CNKSR3: variants seen among roughly 807,000 people sequenced by gnomAD.
The protein encoded by CNKSR3 is CNKSR family member 3, also known as connector enhancer of kinase suppressor of ras 3.
In CNKSR3, 36 loss-of-function variants were observed where a neutral mutation model predicts 67.7. The ratio of observed to expected loss-of-function variants is 0.53; its 90% CI spans 0.41 to 0.70. The LOEUF (loss-of-function observed/expected upper bound fraction) is 0.70, where lower values mean the gene tolerates loss of function less well. Among genes scored for constraint, CNKSR3 ranks in the 30% least tolerant of loss-of-function variants. The probability of loss-of-function intolerance (pLI) is 0.00; values close to 1 mark genes in which losing one functional copy is unlikely to be tolerated. For synonymous variants in CNKSR3, 281 were observed against 271.4 expected (o/e 1.04, Z -0.35); for missense variants, 630 against 695.2 (o/e 0.91, Z 1.05).
In CNKSR3 at chr6:154,406,493, T is replaced by A; in HGVS notation, c.1529A>T (p.Asp510Val). ...TGGAATCGTGGCGCTGCTGTGGAGA[T>A]CTGAGTTGATGTAGCACCTGCTTCC... ...IRGSRCYINS[D>V]LHSSATIPFQ... Residue 510 changes from aspartate (D) to valine (V), a missense_variant, in exon 13 of 13, where the codon GAT becomes GTT. By Grantham distance (152) the Asp-to-Val change is radical. Around this residue, in one of 3 missense-constraint regions of CNKSR3, gnomAD observed 308 missense variants for 299.6 expected, o/e 1.03. Coordinates refer to ENST00000607772, the MANE Select transcript of CNKSR3 (RefSeq NM_173515.4). 1 of 1,614,156 alleles carries A rather than the reference T, an allele frequency of 6.2e-7. No individual in the cohort carries two copies.
At position 154,406,066 on chromosome 6, in the gene CNKSR3, T is replaced by C. The variant is rs567076869; in HGVS notation, c.*288A>G. 3 of 379,108 alleles carry C rather than the reference T, an allele frequency of 7.9e-6. No homozygotes were observed. The highest frequency in any genetic ancestry group is 5.2e-5 in the East Asian group (1 of 19,122). 23.5% of individuals were successfully genotyped at this position (379,108 alleles called of 1,614,324 possible). A position where few individuals can be genotyped will look rare whatever the true frequency, so the allele number is the denominator to read the frequency against. On this transcript the variant is annotated 3_prime_UTR_variant, in exon 13 of 13. Coordinates refer to ENST00000607772, the MANE Select transcript of CNKSR3 (RefSeq NM_173515.4). ...TGACCATAACGTCTCTGGCCAGGAC[T>C]GCGATTTCTAGCGCGTGTCTTCACA...
At chr6:154,409,323 C>T (rs1471136044) in intron 12 of CNKSR3, among the ~76,000 whole-genome samples, 5 of 152,094 alleles carry the variant, frequency 3.3e-5, no homozygotes, top group Non-Finnish European at 7.4e-5. Context: ...TAATGTTCTG[C>T]CAATGATGAC....
In CNKSR3 at chr6:154,506,745, G is replaced by T. The variant is rs557366083; in HGVS notation, c.52+3318C>A. Among the ~76,000 whole-genome samples, 11 of 152,342 alleles carry T rather than the reference G, an allele frequency of 7.2e-5. No homozygotes were observed. In the East Asian group the frequency reaches 2.1e-3, roughly 29 times the overall value. On this transcript the variant is annotated intron_variant, in intron 1 of 12. Coordinates refer to ENST00000607772, the MANE Select transcript of CNKSR3 (RefSeq NM_173515.4). ...CCCTACACGTTGTAAAAGATCATTTGCTTTGCAAAGGCCTTTACTGAACTG... is the reference window on the plus strand; with the variant it reads ...CCCTACACGTTGTAAAAGATCATTTTCTTTGCAAAGGCCTTTACTGAACTG...
intron 1 of CNKSR3, among the ~76,000 whole-genome samples, chr6:154,454,333 A>T (rs1289124676): frequency 6.6e-6 from 1 of 152,214 alleles, no homozygotes; most frequent in African/African-American, 2.4e-5. Flanking sequence ...AATACTCTGT[A>T]AATTTAGTTA....
At chr6:154,413,299 A>G (rs988939543) in intron 10 of CNKSR3, among the ~76,000 whole-genome samples, 6 of 152,058 alleles carry the variant, frequency 3.9e-5, no homozygotes, top group African/African-American at 1.4e-4. Flanking sequence ...ATCATGGTGT[A>G]TTGTACTGCA....
At chr6:154,493,796 T>C (rs1293090769) in intron 1 of CNKSR3, among the ~76,000 whole-genome samples, 1 of 152,010 alleles carries the variant, frequency 6.6e-6, no homozygotes, top group African/African-American at 2.4e-5. Flanking sequence ...CACTGTCAAA[T>C]CAATCAGATC....
intron 1 of CNKSR3, among the ~76,000 whole-genome samples, chr6:154,480,129 T>G (rs1786536260): frequency 6.6e-6 from 1 of 152,246 alleles, no homozygotes; most frequent in South Asian, 2.1e-4. Context: ...AGATGTCTGG[T>G]GCTGGGGCCG....
intron 3 of CNKSR3, among the ~76,000 whole-genome samples, chr6:154,441,581 T>C (rs1562334119): frequency 6.6e-6 from 1 of 152,182 alleles, no homozygotes; most frequent in Admixed American, 6.5e-5. Context: ...CCTCCCAGGT[T>C]CAAGCAACTC....
At chr6:154,412,371 T>A (rs2128711577) in intron 10 of CNKSR3, among the ~76,000 whole-genome samples, 1 of 152,308 alleles carries the variant, frequency 6.6e-6, no homozygotes, top group Admixed American at 6.5e-5. Context: ...CCCGAGCAGT[T>A]TAATCCAGCT....
chr6:154,455,218 T>C (rs1280702073), intron 1 of CNKSR3, among the ~76,000 whole-genome samples: 1 of 151,502 alleles, frequency 6.6e-6, no homozygotes, highest in East Asian at 1.9e-4. Flanking sequence ...ACTCGGGATG[T>C]TGAGGCAGAA....
At chr6:154,449,264 T>C (rs1323479035) in intron 2 of CNKSR3, among the ~76,000 whole-genome samples, 2 of 152,246 alleles carry the variant, frequency 1.3e-5, no homozygotes, top group Non-Finnish European at 2.9e-5. Context: ...CCGCTTTTTA[T>C]AGTAACAAAA....
rs1784713791 is a variant in CNKSR3, at chr6:154,401,125, G to C, written c.*5229C>G. 1 of 152,160 alleles carries C rather than the reference G, an allele frequency of 6.6e-6. No individual in the cohort carries two copies. Among genetic ancestry groups the C allele is most frequent in the Non-Finnish European group, 1.5e-5 (1 of 68,012 alleles). 9.4% of individuals were successfully genotyped at this position (152,160 alleles called of 1,614,324 possible). Reference sequence around the variant, plus strand: ...ATTTTAAAATATTCACCTTCCAGCTGATTAGCATGAAAGGTTTGAAAAATA... The same window carrying C: ...ATTTTAAAATATTCACCTTCCAGCTCATTAGCATGAAAGGTTTGAAAAATA... On this transcript the variant is annotated 3_prime_UTR_variant, in exon 13 of 13. Coordinates refer to ENST00000607772, the MANE Select transcript of CNKSR3 (RefSeq NM_173515.4).
At position 154,395,291 on chromosome 6, in the gene CNKSR3, G is replaced by T. The variant is rs1784650029; in HGVS notation, c.*11063C>A. The T allele has an allele frequency of 6.7e-6, 1 of 149,688 alleles. No individual in the cohort carries two copies. The highest frequency in any genetic ancestry group is 2.4e-5 in the African/African-American group (1 of 41,016). The allele number at this position is 149,688 out of a possible 1,614,324, so 9.3% of individuals were successfully genotyped here. A position where few individuals can be genotyped will look rare whatever the true frequency, so the allele number is the denominator to read the frequency against. ...TTCTACAAGAGTGCTTTTGAAAAAA[G>T]TACTCCAAAGAATTGGGAAAATGAT... On this transcript the variant is annotated 3_prime_UTR_variant, in exon 13 of 13. Coordinates refer to ENST00000607772, the MANE Select transcript of CNKSR3 (RefSeq NM_173515.4).
At chr6:154,407,031 A>C (rs1784810010) in intron 12 of CNKSR3, among the ~76,000 whole-genome samples, 1 of 151,156 alleles carries the variant, frequency 6.6e-6, no homozygotes, top group Admixed American at 6.6e-5. Context: ...GACTTCTGCC[A>C]CCACCCTGAA....
At chr6:154,476,714 C>T (rs1786460426) in intron 1 of CNKSR3, among the ~76,000 whole-genome samples, 1 of 152,150 alleles carries the variant, frequency 6.6e-6, no homozygotes, top group Non-Finnish European at 1.5e-5. Flanking sequence ...GGTAACCACA[C>T]ACTTCAGTGA....
chr6:154,507,224 G>A (rs1245833696), intron 1 of CNKSR3, among the ~76,000 whole-genome samples: 1 of 152,172 alleles, frequency 6.6e-6, no homozygotes, highest in African/African-American at 2.4e-5. Context: ...AATAATAAAA[G>A]CCAGACAGGT....
At chr6:154,422,427 A>G in intron 9 of CNKSR3, 79 bp downstream of exon 9, 2 of 1,413,758 alleles carry the variant, frequency 1.4e-6, no homozygotes, top group Non-Finnish European at 2.0e-6. Context: ...ATCACCTTCA[A>G]ATTTTAATCT....
intron 1 of CNKSR3, among the ~76,000 whole-genome samples, chr6:154,469,021 T>C (rs533648399): frequency 3.7e-4 from 56 of 152,204 alleles, no homozygotes; most frequent in Non-Finnish European, 7.3e-4. Flanking sequence ...GCCTCATCTC[T>C]AAATAAATAA....
chr6:154,433,355 C>A (rs1419673170), intron 5 of CNKSR3, 111 bp downstream of exon 5: 1 of 755,478 alleles, frequency 1.3e-6, no homozygotes, highest in African/African-American at 1.8e-5. Context: ...TCCCAAAAGC[C>A]AATATTTCAA....
Sources: allele counts gnomAD v4.1 joint callset (sites outside exome capture counted in the v4.1 genomes callset), GRCh38; gene constraint gnomAD v4.1.1; regional missense constraint gnomAD v4.1.1; transcripts MANE v1.5; gene names NCBI Gene and HGNC (gene_info 2026-07-23, HGNC 2026-07-21).